ANXA1: variants seen among roughly 807,000 people sequenced by gnomAD.
ANXA1 encodes the protein annexin A1.
In ANXA1, 39 loss-of-function variants were observed where a neutral mutation model predicts 47.9. The ratio of observed to expected loss-of-function variants is 0.81; its 90% CI spans 0.63 to 1.06. The LOEUF is 1.06. Among genes scored for constraint, ANXA1 ranks in the 50% least tolerant of loss-of-function variants. The pLI is 0.00. For synonymous variants in ANXA1, 146 were observed against 142.5 expected (o/e 1.02, Z -0.17); for missense variants, 446 against 422.7 (o/e 1.06, Z -0.48).
intron 1 of ANXA1, chr9:73,158,172 G>T (rs1824078585): frequency 4.3e-6 from 1 of 232,280 alleles, no homozygotes; most frequent in South Asian, 5.8e-5. Context: ...TTAGTGCTTG[G>T]CATATGGTGG....
At chr9:73,153,100 A>G (rs964578081) in intron 1 of ANXA1, among the ~76,000 whole-genome samples, 1 of 152,194 alleles carries the variant, frequency 6.6e-6, no homozygotes, top group African/African-American at 2.4e-5. Flanking sequence ...CCTCTTCCCC[A>G]AAAGTGACAG....
At chr9:73,170,022 A>G (rs750773582) in intron 12 of ANXA1, 29 bp from the exon 13 acceptor site, 3 of 1,563,536 alleles carry the variant, frequency 1.9e-6, no homozygotes, top group Non-Finnish European at 2.6e-6. Context: ...TTCGACTAAC[A>G]TTAAGTATAC....
At chr9:73,162,354 C>T (rs1317214483) in intron 6 of ANXA1, among the ~76,000 whole-genome samples, 5 of 152,178 alleles carry the variant, frequency 3.3e-5, no homozygotes, top group Admixed American at 1.3e-4. Context: ...AACTGCATTA[C>T]TTATAAGACA....
At chr9:73,163,666 G>A (rs1401232203) in intron 8 of ANXA1, 134 bp downstream of exon 8, 4 of 816,616 alleles carry the variant, frequency 4.9e-6, no homozygotes, top group Non-Finnish European at 7.6e-6. Flanking sequence ...TTTCCTGAAT[G>A]AGGCATGTCT....
intron 6 of ANXA1, among the ~76,000 whole-genome samples, 189 bp downstream of exon 6, chr9:73,161,082 A>C (rs969951068): frequency 6.6e-6 from 1 of 152,192 alleles, no homozygotes; most frequent in South Asian, 2.1e-4. Flanking sequence ...TAGGTTGCTG[A>C]CAAGGGAGAT....
chr9:73,166,043 C>A, intron 9 of ANXA1, 54 bp from the exon 10 acceptor site: 1 of 1,411,704 alleles, frequency 7.1e-7, no homozygotes, highest in Non-Finnish European at 9.7e-7. Context: ...TTTGCTAAAG[C>A]TTTCTAAAGA....
At chr9:73,157,443 C>T (rs1045622895) in intron 1 of ANXA1, among the ~76,000 whole-genome samples, 2 of 151,900 alleles carry the variant, frequency 1.3e-5, no homozygotes, top group Non-Finnish European at 2.9e-5. Flanking sequence ...CACTTGGGGT[C>T]ATGAGTTCAA....
At chr9:73,163,678 T>C in intron 8 of ANXA1, 146 bp downstream of exon 8, 1 of 724,356 alleles carries the variant, frequency 1.4e-6, no homozygotes, top group Non-Finnish European at 2.2e-6. Flanking sequence ...GGCATGTCTT[T>C]CTGTAGCCCC....
Position 73,163,217 on chromosome 9 carries a change from G to A in ANXA1, c.556-259G>A, listed in dbSNP as rs539185709. Among the ~76,000 whole-genome samples the A allele has an allele frequency of 5.9e-5, 9 of 152,172 alleles. No homozygotes were observed. In the South Asian group the frequency reaches 1.9e-3, roughly 32 times the overall value. On this transcript the variant is annotated intron_variant, in intron 7 of 12. Transcript: ENST00000257497. ...CCAGTGACGGCATTAATCTCTTCAT[G>A]AGAGATCAGCCCCAGGACCCAAATA...
chr9:73,168,911 G>GTA (rs1554674612), intron 11 of ANXA1, 121 bp from the exon 12 acceptor site: 3 of 753,956 alleles, frequency 4.0e-6, no homozygotes, highest in African/African-American at 3.6e-5. Context: ...GTGTGTGTGT[G>GTA]TATAGCTAGT....
chr9:73,165,950 G>A lies in ANXA1; in HGVS notation c.707-147G>A, dbSNP rs964312396. ...TCCTAGGAGAGGATGAAGTATTCAC[G>A]TTATGATTAATTGGGTATATTGCTT... On this transcript the variant is annotated intron_variant, in intron 9 of 12. Transcript: ENST00000257497. 95 of 575,784 alleles carry A rather than the reference G, an allele frequency of 1.6e-4. 1 individual carries two copies. The highest frequency in any genetic ancestry group is 1.3e-3 in the African/African-American group (68 of 53,156). 35.7% of individuals were successfully genotyped at this position (575,784 alleles called of 1,614,324 possible). A position where few individuals can be genotyped will look rare whatever the true frequency, so the allele number is the denominator to read the frequency against.
chr9:73,161,557 G>A (rs1824143180), intron 6 of ANXA1, among the ~76,000 whole-genome samples: 1 of 152,048 alleles, frequency 6.6e-6, no homozygotes, highest in Admixed American at 6.6e-5. Context: ...TCCCTGAGCT[G>A]CTGGCTTTTT....
At chr9:73,158,036 A>G (rs1464147948) in intron 1 of ANXA1, 1 of 152,918 alleles carries the variant, frequency 6.5e-6, no homozygotes, top group Non-Finnish European at 1.5e-5. Flanking sequence ...TCATTTCAAG[A>G]GAGGCTTGGG....
chr9:73,165,129 C>CAGGAGAA lies in ANXA1; in HGVS notation c.637_643dup (p.Gly215GlufsTer33). ...GTTTCTTGACAGGCCTTGTATGAAGCAGGAGAAAGGAGAAAGGGGACAGAC... is the reference window on the plus strand; with the variant it reads ...GTTTCTTGACAGGCCTTGTATGAAGCAGGAGAAAGGAGAAAGGAGAAAGGGGACAGAC... On this transcript the variant is annotated frameshift_variant, in exon 9 of 13. Coordinates refer to ENST00000257497, the MANE Select transcript of ANXA1 (RefSeq NM_000700.3). LOFTEE classifies it high-confidence loss of function. 1 of 1,612,392 alleles carries CAGGAGAA rather than the reference C, an allele frequency of 6.2e-7. No homozygotes were observed. The highest frequency in any genetic ancestry group is 1.7e-4 in the Middle Eastern group (1 of 6,050).
intron 1 of ANXA1, among the ~76,000 whole-genome samples, chr9:73,153,478 A>G (rs1292051162): frequency 6.6e-6 from 1 of 152,182 alleles, no homozygotes; most frequent in Non-Finnish European, 1.5e-5. Context: ...AATTTTCTTC[A>G]TCTTCATCTA....
At chr9:73,160,758 G>T (rs1226969829) in intron 5 of ANXA1, 45 bp from the exon 6 acceptor site, 6 of 1,466,696 alleles carry the variant, frequency 4.1e-6, no homozygotes, top group South Asian at 1.2e-5. Flanking sequence ...CCTCTTGCAT[G>T]AAGATTTTTT....
At chr9:73,153,664 A>ATAGT (rs1264288471) in intron 1 of ANXA1, among the ~76,000 whole-genome samples, 1 of 152,226 alleles carries the variant, frequency 6.6e-6, no homozygotes, top group Non-Finnish European at 1.5e-5. Context: ...TTTATATCCT[A>ATAGT]TAGTTGTGGG....
At chr9:73,156,503 T>C (rs1278207712) in intron 1 of ANXA1, among the ~76,000 whole-genome samples, 2 of 152,214 alleles carry the variant, frequency 1.3e-5, no homozygotes, top group Non-Finnish European at 2.9e-5. Flanking sequence ...AACAGGCTGC[T>C]TTAAATGAAT....
intron 6 of ANXA1, among the ~76,000 whole-genome samples, chr9:73,162,500 C>T (rs539619692): frequency 6.6e-6 from 1 of 152,200 alleles, no homozygotes; most frequent in Admixed American, 6.5e-5. Context: ...TAATGTATAC[C>T]TATACAATTT....
Sources: gnomAD v4.1 joint callset for allele counts (sites outside exome capture counted in the v4.1 genomes callset) on GRCh38, gnomAD v4.1.1 for gene constraint, MANE v1.5 for transcripts, NCBI Gene and HGNC (gene_info 2026-07-23, HGNC 2026-07-21) for gene names.